PPP2R2D: variants seen among roughly 807,000 people sequenced by gnomAD.
The protein encoded by PPP2R2D is serine/threonine-protein phosphatase 2A 55 kDa regulatory subunit B delta isoform.
In PPP2R2D, 9 loss-of-function variants were observed where a neutral mutation model predicts 31.1. The ratio of observed to expected loss-of-function variants is 0.29; its 90% CI spans 0.17 to 0.51. The LOEUF (loss-of-function observed/expected upper bound fraction) is 0.51. Ranked by LOEUF, PPP2R2D falls within the 20% of genes least tolerant of loss-of-function variation. PPP2R2D has a pLI of 0.98. For synonymous variants in PPP2R2D, 179 were observed against 172.6 expected (o/e 1.04, Z -0.29); for missense variants, 391 against 465.6 (o/e 0.84, Z 1.48).
downstream of PPP2R2D, among the ~76,000 whole-genome samples, chr10:131,962,529 C>T (rs896087473): frequency 1.3e-5 from 2 of 152,210 alleles, no homozygotes; most frequent in Non-Finnish European, 2.9e-5. Flanking sequence ...GGCTCTGTAG[C>T]TCTCCATTTT....
chr10:131,954,549 G>A (rs891381504), intron 8 of PPP2R2D, among the ~76,000 whole-genome samples: 9 of 152,228 alleles, frequency 5.9e-5, no homozygotes, highest in African/African-American at 2.2e-4. Flanking sequence ...CGCCTCTGTG[G>A]CGCTGTGGGC....
Position 131,957,508 on chromosome 10 carries a change from GTCC to G in PPP2R2D, c.*1546_*1548del. Reference sequence around the variant, plus strand: ...GGATGAAGGTGTGTGCTGATCCCCCGTCCCCCTGTGGAGATGAAGGTGTGTGCT... The same window carrying G: ...GGATGAAGGTGTGTGCTGATCCCCCGCCCTGTGGAGATGAAGGTGTGTGCT... On this transcript the variant is annotated 3_prime_UTR_variant, in exon 9 of 9. Coordinates refer to ENST00000455566, the MANE Select transcript of PPP2R2D (RefSeq NM_018461.5). 1 of 143,306 alleles carries G rather than the reference GTCC, an allele frequency of 7.0e-6. No homozygotes were observed. Among genetic ancestry groups the G allele is most frequent in the Non-Finnish European group, 1.4e-5 (1 of 73,358 alleles). The allele number at this position is 143,306 out of a possible 1,614,324, so 8.9% of individuals were successfully genotyped here.
chr10:131,962,479 G>C (rs781806762), downstream of PPP2R2D, among the ~76,000 whole-genome samples: 8 of 152,194 alleles, frequency 5.3e-5, no homozygotes, highest in Non-Finnish European at 1.2e-4. Context: ...AAATGCTTCT[G>C]ATAGTAATAG....
intron 2 of PPP2R2D, among the ~76,000 whole-genome samples, chr10:131,915,149 T>C (rs1437107534): frequency 2.0e-5 from 3 of 151,908 alleles, no homozygotes; most frequent in African/African-American, 7.3e-5. Flanking sequence ...GTAGTATCCC[T>C]AAAAGAGTAT....
rs1408357228 is a variant in PPP2R2D, at chr10:131,947,995, C to T, written c.1082+204C>T. ...CAAGTTTCTCACCTAGCTTGTCATT[C>T]CATTTATATTTAGACAAGAAGTATA... On this transcript the variant is annotated intron_variant, in intron 8 of 8. Transcript: ENST00000455566. The surrounding 1 kb of genome is among the most constrained non-coding windows in gnomAD (Gnocchi z 4.3). Among the ~76,000 whole-genome samples the T allele has an allele frequency of 6.6e-6, 1 of 152,170 alleles. No individual in the cohort carries two copies. The highest frequency in any genetic ancestry group is 1.5e-5 in the Non-Finnish European group (1 of 68,042).
chr10:131,946,680 C>T (rs1423819657), intron 7 of PPP2R2D, among the ~76,000 whole-genome samples: 1 of 152,020 alleles, frequency 6.6e-6, no homozygotes, highest in Non-Finnish European at 1.5e-5. Context: ...TGCTTGGCGT[C>T]GGCACAGCTG....
rs550211639 is a variant in PPP2R2D, at chr10:131,918,281, G to A, written c.101-16177G>A. On this transcript the variant is annotated intron_variant, in intron 2 of 8. Coordinates refer to ENST00000455566, the MANE Select transcript of PPP2R2D (RefSeq NM_018461.5). ...GACACAGTGTTTGTAGGGACCTCAG[G>A]CGGGTGGAATGACACGGTGTAGGGA... 2.7e-4 allele frequency among the ~76,000 whole-genome samples: 40 copies of A among 150,706 alleles called. 2 individuals carry two copies. In the South Asian group the frequency reaches 7.0e-3, roughly 26 times the overall value.
chr10:131,910,893 T>A (rs1006416241), intron 2 of PPP2R2D, among the ~76,000 whole-genome samples: 7 of 152,184 alleles, frequency 4.6e-5, no homozygotes, highest in Non-Finnish European at 8.8e-5. Flanking sequence ...TGCCTATGTA[T>A]GGACTGGGTT....
chr10:131,968,587 CAGTAGTTA>C, the PPP2R2D span: 2 of 1,581,378 alleles, frequency 1.3e-6, no homozygotes, highest in Non-Finnish European at 1.7e-6. Context: ...GAAAAATTAT[CAGTAGTTA>C]ATGTATCTTG....
At chr10:131,909,670 G>A (rs1268829456) in intron 2 of PPP2R2D, among the ~76,000 whole-genome samples, 1 of 152,140 alleles carries the variant, frequency 6.6e-6, no homozygotes, top group East Asian at 1.9e-4. Flanking sequence ...CCCAGGTTGT[G>A]GTTTGCTAAA....
intron 2 of PPP2R2D, 78 bp downstream of exon 2, chr10:131,901,408 A>T (rs1432689359): frequency 3.0e-6 from 1 of 332,428 alleles, no homozygotes; most frequent in Non-Finnish European, 5.4e-6. Flanking sequence ...TCCGGGCCCC[A>T]AGCGTCCGTG....
At chr10:131,939,552 T>C (rs12770597) in intron 3 of PPP2R2D, among the ~76,000 whole-genome samples, 963 of 67,364 alleles carry the variant, frequency 0.014, 140 homozygotes, top group African/African-American at 0.027. Context: ...CTCCAGAAAA[T>C]ACGGCAGGCT....
chr10:131,969,516 AAGAGCT>A, the PPP2R2D span: 1 of 152,278 alleles, frequency 6.6e-6, no homozygotes, highest in African/African-American at 2.4e-5. Context: ...GAATGTGCCC[AAGAGCT>A]AGGAGAAAGC....
At chr10:131,928,285 T>C (rs2036144065) in intron 2 of PPP2R2D, among the ~76,000 whole-genome samples, 1 of 152,142 alleles carries the variant, frequency 6.6e-6, no homozygotes, top group African/African-American at 2.4e-5. Context: ...GGTGGCCAGG[T>C]GGAGACCATC....
At chr10:131,953,269 GC>G (rs2036721053) in intron 8 of PPP2R2D, among the ~76,000 whole-genome samples, 3 of 107,714 alleles carry the variant, frequency 2.8e-5, no homozygotes, top group South Asian at 3.8e-4. Context: ...CCCTGTCTTA[GC>G]AGTGACTTGC....
At chr10:131,923,344 T>G (rs150539910) in intron 2 of PPP2R2D, among the ~76,000 whole-genome samples, 19 of 152,342 alleles carry the variant, frequency 1.2e-4, no homozygotes, top group African/African-American at 4.6e-4. Context: ...CAGTTTTCCA[T>G]TTTTGTTTAT....
At chr10:131,923,372 G>A (rs1420727193) in intron 2 of PPP2R2D, among the ~76,000 whole-genome samples, 3 of 152,198 alleles carry the variant, frequency 2.0e-5, no homozygotes, top group African/African-American at 7.2e-5. Flanking sequence ...TTGATGGGTT[G>A]TTCCTAGTTT....
downstream of PPP2R2D, among the ~76,000 whole-genome samples, chr10:131,962,679 C>A (rs2036940325): frequency 6.6e-6 from 1 of 151,728 alleles, no homozygotes; most frequent in Admixed American, 6.6e-5. Context: ...AAAACACTGG[C>A]ACCACCCAGT....
chr10:131,955,852 C>T lies in PPP2R2D; in HGVS notation c.1251C>T (p.Asp417=). The T allele has an allele frequency of 6.2e-7, 1 of 1,610,802 alleles. No individual in the cohort carries two copies. Among genetic ancestry groups the T allele is most frequent in the Non-Finnish European group, 8.5e-7 (1 of 1,178,360 alleles). ...GGAGGAAAGACGAGATCAGTGTGGA[C>T]AGTCTGGACTTCAACAAGAAGATCC... ...GKRRKDEISV[D]SLDFNKKILH... is the part of the protein sequence containing the mutation. The change falls in exon 9 of 9, where the codon GAC becomes GAT. Residue 417 remains aspartate, a synonymous_variant. Coordinates refer to ENST00000455566, the MANE Select transcript of PPP2R2D (RefSeq NM_018461.5).
Sources: gnomAD v4.1 joint callset for allele counts (sites outside exome capture counted in the v4.1 genomes callset) on GRCh38, gnomAD v4.1.1 for gene constraint, Gnocchi (gnomAD v3.1) non-coding constraint, MANE v1.5 for transcripts, NCBI Gene and HGNC (gene_info 2026-07-23, HGNC 2026-07-21) for gene names.